CSMD1: variants seen among roughly 807,000 people sequenced by gnomAD.
CSMD1 encodes the protein CUB and Sushi multiple domains 1, also known as CUB and sushi domain-containing protein 1.
A neutral mutation model predicts 417.5 loss-of-function variants in CSMD1; 213 were observed. That is an observed-to-expected ratio of 0.51 (90% CI 0.46 to 0.57). The LOEUF (loss-of-function observed/expected upper bound fraction) is 0.57. Ranked by LOEUF, CSMD1 falls within the 20% of genes least tolerant of loss-of-function variation. CSMD1 has a pLI of 0.00. For synonymous variants in CSMD1, 2,862 were observed against 1,736.8 expected (o/e 1.65, Z -16.11); for missense variants, 6,923 against 4,529.7 (o/e 1.53, Z -15.17).
chr8:4,554,121 C>T (rs1797989141), intron 2 of CSMD1, among the ~76,000 whole-genome samples: 1 of 152,102 alleles, frequency 6.6e-6, no homozygotes, highest in Admixed American at 6.6e-5. Context: ...ATATTAGTCA[C>T]TTGTGGAAAC....
intron 5 of CSMD1, among the ~76,000 whole-genome samples, chr8:3,865,072 C>A (rs1469122455): frequency 6.6e-6 from 1 of 152,172 alleles, no homozygotes; most frequent in Non-Finnish European, 1.5e-5. Context: ...CATATGCCAA[C>A]AGTGTTACTT....
chr8:4,786,620 G>A (rs1025398248), intron 1 of CSMD1, among the ~76,000 whole-genome samples: 4 of 152,210 alleles, frequency 2.6e-5, no homozygotes, highest in Non-Finnish European at 5.9e-5. Flanking sequence ...GATGATGCTT[G>A]AATCTCTCTC....
chr8:3,129,876 C>T (rs1817701000), intron 41 of CSMD1, among the ~76,000 whole-genome samples: 1 of 151,978 alleles, frequency 6.6e-6, no homozygotes, highest in African/African-American at 2.4e-5. Flanking sequence ...GTAATCCCAG[C>T]TATTCAGCAT....
At chr8:3,714,261 A>G (rs1450369762) in intron 6 of CSMD1, among the ~76,000 whole-genome samples, 1 of 150,586 alleles carries the variant, frequency 6.6e-6, no homozygotes, top group South Asian at 2.1e-4. Flanking sequence ...CTCTAATTTA[A>G]TTTGTCTTAC....
chr8:3,000,079 A>G lies in CSMD1; in HGVS notation c.8082T>C (p.Asp2694=). The G allele has an allele frequency of 2.5e-6, 4 of 1,601,424 alleles. 1 individual carries two copies. In the South Asian group the frequency reaches 3.3e-5, roughly 13 times the overall value. Residue 2694 remains aspartate (D), a synonymous_variant, in exon 53 of 70, where the codon GAT becomes GAC. Coordinates refer to ENST00000635120, the MANE Select transcript of CSMD1 (RefSeq NM_033225.6). ...CCACCGTGTCTCTGTAACTGAAGCC[A>G]TCTCCACTAATGTGACCGTTCACAA... ...DPIVNGHISG[D]GFSYRDTVVY...
chr8:4,362,563 T>C (rs968795445), intron 3 of CSMD1, among the ~76,000 whole-genome samples: 1 of 152,190 alleles, frequency 6.6e-6, no homozygotes, highest in Admixed American at 6.5e-5. Context: ...AAGTGGATAA[T>C]ATAGCCCCGT....
intron 5 of CSMD1, 100 bp downstream of exon 5, chr8:3,997,803 C>T: frequency 1.0e-5 from 11 of 1,061,234 alleles, no homozygotes; most frequent in Middle Eastern, 2.4e-4. Flanking sequence ...CACATGCTTG[C>T]CCATGAACGT....
intron 3 of CSMD1, among the ~76,000 whole-genome samples, chr8:4,212,820 G>A (rs1054302107): frequency 2.2e-5 from 3 of 134,794 alleles, no homozygotes; most frequent in Non-Finnish European, 3.0e-5. Context: ...GCCAGTTCAT[G>A]GACTGGCATT....
intron 14 of CSMD1, among the ~76,000 whole-genome samples, chr8:3,407,100 T>C (rs921671028): frequency 1.3e-5 from 2 of 151,724 alleles, no homozygotes; most frequent in Admixed American, 6.6e-5. Flanking sequence ...AATGGAGGGA[T>C]GGATGGAAAG....
intron 12 of CSMD1, among the ~76,000 whole-genome samples, chr8:3,416,168 G>A (rs10101236): frequency 0.096 from 3,834 of 39,738 alleles, 62 homozygotes; most frequent in Middle Eastern, 0.22. Flanking sequence ...GGGCGTGTTG[G>A]GGGGCGCCTG....
In CSMD1 at chr8:3,340,911, A is replaced by G. The variant is rs1259063814; in HGVS notation, c.3631+2383T>C. On this transcript the variant is annotated intron_variant, in intron 23 of 69. Transcript: ENST00000635120. ...GGAGAACAAGAAAATTACTCCTGTC[A>G]AATTGATTATAATAAGAGCTAAGTG... 6.6e-5 allele frequency among the ~76,000 whole-genome samples: 10 copies of G among 152,314 alleles called. No individual in the cohort carries two copies. The East Asian group carries it at 1.9e-3, about 29-fold the overall frequency.
Position 4,745,899 on chromosome 8 carries a change from C to T in CSMD1, c.86-108341G>A, listed in dbSNP as rs568725711. ...GAGCTTGATCCAGGCTCAGCCACTT[C>T]CGTGCAATCAAGTCAGCTAACTTTT... On this transcript the variant is annotated intron_variant, in intron 1 of 69. Transcript: ENST00000635120. Among the ~76,000 whole-genome samples, 12 of 152,318 alleles carry T rather than the reference C, an allele frequency of 7.9e-5. No individual in the cohort carries two copies. The South Asian group carries it at 2.1e-3, about 26-fold the overall frequency.
chr8:3,934,028 G>C (rs569043656), intron 5 of CSMD1, among the ~76,000 whole-genome samples: 1 of 151,696 alleles, frequency 6.6e-6, no homozygotes, highest in Non-Finnish European at 1.5e-5. Context: ...TCCACAATGA[G>C]TAGGAAGCCA....
chr8:3,428,819 G>A (rs778468571), intron 12 of CSMD1, among the ~76,000 whole-genome samples: 20 of 152,154 alleles, frequency 1.3e-4, no homozygotes, highest in African/African-American at 2.4e-5. Flanking sequence ...TCAATCAATG[G>A]ATGAATAATG....
intron 4 of CSMD1, among the ~76,000 whole-genome samples, chr8:4,028,035 G>A (rs1018146119): frequency 2.0e-5 from 3 of 152,132 alleles, no homozygotes; most frequent in African/African-American, 7.2e-5. Flanking sequence ...ATGGGATACA[G>A]GTTTAGGTTT....
chr8:4,444,709 C>T (rs143729130), intron 2 of CSMD1, among the ~76,000 whole-genome samples: 1 of 152,170 alleles, frequency 6.6e-6, no homozygotes, highest in Non-Finnish European at 1.5e-5. Flanking sequence ...ACTCTAAGCA[C>T]AGGTGCATGA....
chr8:3,607,934 C>A (rs890121922), intron 8 of CSMD1, among the ~76,000 whole-genome samples: 2 of 152,102 alleles, frequency 1.3e-5, no homozygotes. Context: ...CTTTGGGAGG[C>A]CAAGGCAGGC....
chr8:4,554,398 A>C (rs1460920828), intron 2 of CSMD1, among the ~76,000 whole-genome samples: 2 of 152,096 alleles, frequency 1.3e-5, no homozygotes, highest in Non-Finnish European at 2.9e-5. Context: ...CGGCCTCCCA[A>C]AGTGCTACGA....
At chr8:3,475,565 G>A (rs893938639) in intron 11 of CSMD1, among the ~76,000 whole-genome samples, 2 of 152,084 alleles carry the variant, frequency 1.3e-5, no homozygotes, top group Non-Finnish European at 2.9e-5. Flanking sequence ...TGTATTCCAG[G>A]TTCCTCATCT....
Sources: gnomAD v4.1 joint callset for allele counts (sites outside exome capture counted in the v4.1 genomes callset) on GRCh38, gnomAD v4.1.1 for gene constraint, MANE v1.5 for transcripts, NCBI Gene and HGNC (gene_info 2026-07-23, HGNC 2026-07-21) for gene names.